Variants in LIN52 observed in about 807,000 individuals in gnomAD.
LIN52 encodes protein lin-52 homolog.
Under a neutral mutation model 18.5 loss-of-function variants are expected in LIN52, and 4 were observed. The observed-to-expected ratio is 0.22, with a 90% CI of 0.11 to 0.49. The LOEUF (loss-of-function observed/expected upper bound fraction) is 0.49. LIN52 is among the 20% of genes least tolerant of loss of function. The probability of loss-of-function intolerance (pLI) is 0.97; values close to 1 mark genes in which losing one functional copy is unlikely to be tolerated. For synonymous variants in LIN52, 34 were observed against 45.5 expected (o/e 0.75, Z 1.02); for missense variants, 102 against 139.5 (o/e 0.73, Z 1.35).
rs201139743 is a variant in LIN52, at chr14:74,098,550, G to GTT, written c.199+703_199+704dup. Among the ~76,000 whole-genome samples the GTT allele has an allele frequency of 1.2e-3, 173 of 140,376 alleles. 1 individual carries two copies. Among genetic ancestry groups the GTT allele is most frequent in the African/African-American group, 3.1e-3 (116 of 37,900 alleles). The allele number at this position is 140,376 out of a possible 152,430, so 92.1% of individuals were successfully genotyped here. ...AAAAAGTTAAAAAATTTTAACTCTGGTTTTTTTTTTTTTTCAGACGGAGTC... is the reference window on the plus strand; with the variant it reads ...AAAAAGTTAAAAAATTTTAACTCTGGTTTTTTTTTTTTTTTTCAGACGGAGTC... On this transcript the variant is annotated intron_variant, in intron 4 of 5. Coordinates refer to ENST00000555028, the MANE Select transcript of LIN52 (RefSeq NM_001024674.3).
intron 5 of LIN52, among the ~76,000 whole-genome samples, chr14:74,120,599 AC>A (rs1180498118): frequency 1.3e-5 from 2 of 152,104 alleles, no homozygotes; most frequent in Admixed American, 1.3e-4. Context: ...TACTAAAAAT[AC>A]AAAAATTAGC....
intron 5 of LIN52, among the ~76,000 whole-genome samples, chr14:74,154,840 C>T (rs1363140773): frequency 6.6e-6 from 1 of 152,016 alleles, no homozygotes; most frequent in Non-Finnish European, 1.5e-5. Context: ...GTTTGTGTTC[C>T]GGCCTGGTGT....
intron 5 of LIN52, among the ~76,000 whole-genome samples, chr14:74,140,423 C>G (rs1282163900): frequency 6.6e-6 from 1 of 152,174 alleles, no homozygotes; most frequent in Non-Finnish European, 1.5e-5. Context: ...CTTTTGCTGC[C>G]TCATTAACTC....
At chr14:74,124,637 C>G (rs147992417) in intron 5 of LIN52, among the ~76,000 whole-genome samples, 4,417 of 151,560 alleles carry the variant, frequency 0.029, 219 homozygotes, top group African/African-American at 0.1. Flanking sequence ...ATGATGAAAC[C>G]CCATCTCTGC....
intron 5 of LIN52, among the ~76,000 whole-genome samples, chr14:74,128,312 G>A (rs2061039347): frequency 6.6e-6 from 1 of 152,136 alleles, no homozygotes; most frequent in African/African-American, 2.4e-5. Context: ...TACCGGAGAG[G>A]AGAGGGCGGC....
intron 4 of LIN52, among the ~76,000 whole-genome samples, chr14:74,098,988 C>G (rs970721448): frequency 2.0e-5 from 3 of 152,114 alleles, no homozygotes; most frequent in African/African-American, 7.2e-5. Flanking sequence ...TTTATCCCAT[C>G]AATTTCTTCT....
intron 5 of LIN52, among the ~76,000 whole-genome samples, chr14:74,157,037 T>TTC (rs1341352405): frequency 3.4e-5 from 5 of 147,810 alleles, no homozygotes; most frequent in Non-Finnish European, 6.0e-5. Context: ...TTCTTTTTCT[T>TTC]TTTTTTTTTT....
At chr14:74,119,292 G>A (rs1257465357) in intron 5 of LIN52, among the ~76,000 whole-genome samples, 1 of 150,528 alleles carries the variant, frequency 6.6e-6, no homozygotes, top group South Asian at 2.1e-4. Context: ...CTCCCGAATA[G>A]CTAGGACTAC....
At chr14:74,167,172 T>C (rs190110075) in intron 5 of LIN52, among the ~76,000 whole-genome samples, 1 of 144,380 alleles carries the variant, frequency 6.9e-6, no homozygotes, top group African/African-American at 2.6e-5. Context: ...GTGCAGCAAA[T>C]GTCATTCAAC....
intron 5 of LIN52, among the ~76,000 whole-genome samples, chr14:74,181,650 TACAG>T (rs10550510): frequency 0.49 from 74,135 of 151,566 alleles, 18,703 homozygotes; most frequent in Non-Finnish European, 0.53. Flanking sequence ...GTTTCAGTGA[TACAG>T]ACTATTATAC....
rs3082883 is a variant in LIN52 at position 74,111,606 on chromosome 14, G to GTATTTATTTATT, written c.283+10402_283+10413dup. ...TGTGAGCCACCATGCCCTGCCCCTG[G>GTATTTATTTATT]TATTTATTTATTTATTTATTTATTT... On this transcript the variant is annotated intron_variant, in intron 5 of 5. Coordinates refer to ENST00000555028, the MANE Select transcript of LIN52 (RefSeq NM_001024674.3). Among the ~76,000 whole-genome samples the GTATTTATTTATT allele has an allele frequency of 7.7e-3, 1,070 of 138,104 alleles. 8 individuals are homozygous for GTATTTATTTATT. Among genetic ancestry groups the GTATTTATTTATT allele is most frequent in the East Asian group, 0.018 (82 of 4,630 alleles). The allele number at this position is 138,104 out of a possible 152,430, so 90.6% of individuals were successfully genotyped here.
At chr14:74,145,238 C>T (rs1440688384) in intron 5 of LIN52, among the ~76,000 whole-genome samples, 1 of 152,214 alleles carries the variant, frequency 6.6e-6, no homozygotes, top group East Asian at 1.9e-4. Context: ...TCTAATTCTT[C>T]AGTGTCATCC....
chr14:74,085,169 T>C, intron 1 of LIN52, 176 bp downstream of exon 1: 2 of 493,498 alleles, frequency 4.1e-6, no homozygotes, highest in Non-Finnish European at 6.5e-6. Context: ...TCACAGCAGC[T>C]CCGGAGGTGC....
chr14:74,097,573 C>T (rs1427371901), intron 3 of LIN52, among the ~76,000 whole-genome samples: 1 of 151,950 alleles, frequency 6.6e-6, no homozygotes, highest in Non-Finnish European at 1.5e-5. Context: ...GCTGAGATTA[C>T]AGGTGTGTGC....
At chr14:74,097,261 A>G (rs2060819707) in intron 3 of LIN52, among the ~76,000 whole-genome samples, 1 of 152,132 alleles carries the variant, frequency 6.6e-6, no homozygotes, top group South Asian at 2.1e-4. Context: ...CTATTCTTCC[A>G]CAGTGATTTC....
intron 5 of LIN52, among the ~76,000 whole-genome samples, chr14:74,135,665 T>G (rs2061093452): frequency 6.6e-6 from 1 of 152,212 alleles, no homozygotes; most frequent in Non-Finnish European, 1.5e-5. Flanking sequence ...GAATAAGATT[T>G]GAAATTATCT....
At chr14:74,093,132 A>G (rs1302968751) in intron 2 of LIN52, among the ~76,000 whole-genome samples, 1 of 151,488 alleles carries the variant, frequency 6.6e-6, no homozygotes, top group Non-Finnish European at 1.5e-5. Flanking sequence ...TTGTATTTGT[A>G]GTACAGACGG....
chr14:74,153,871 C>G (rs2061187254), intron 5 of LIN52, among the ~76,000 whole-genome samples: 2 of 152,142 alleles, frequency 1.3e-5, no homozygotes, highest in Admixed American at 1.3e-4. Context: ...ACTCTATCTT[C>G]TATTGTAAAA....
At chr14:74,085,340 G>T in intron 1 of LIN52, 1 of 243,178 alleles carries the variant, frequency 4.1e-6, no homozygotes, top group Non-Finnish European at 7.8e-6. Context: ...GCTTACTGTA[G>T]TTTTTTCCTT....
Sources: allele counts gnomAD v4.1 joint callset (sites outside exome capture counted in the v4.1 genomes callset), GRCh38; gene constraint gnomAD v4.1.1; transcripts MANE v1.5; gene names NCBI Gene and HGNC (gene_info 2026-07-23, HGNC 2026-07-21).